Variants in CTNND2 observed in about 807,000 individuals in gnomAD.
CTNND2 encodes catenin delta-2.
CTNND2 carries 22 observed loss-of-function variants against 144.4 expected under a neutral mutation model. That is an observed-to-expected ratio of 0.15 (90% CI 0.11 to 0.22). CTNND2 has a LOEUF of 0.22. Ranked by LOEUF, CTNND2 falls within the 10% of genes least tolerant of loss-of-function variation. CTNND2 has a pLI of 1.00. For synonymous variants in CTNND2, 751 were observed against 695.6 expected, an observed-to-expected ratio of 1.08 and a Z score of -1.25; for missense variants, 1,353 against 1,618.8, an observed-to-expected ratio of 0.84 and a Z score of 2.82.
chr5:11,039,090 GCAAGCAAACAAA>G (rs1190146942), intron 16 of CTNND2, among the ~76,000 whole-genome samples: 1 of 152,200 alleles, frequency 6.6e-6, no homozygotes, highest in African/African-American at 2.4e-5. Flanking sequence ...AAGCAAGCAA[GCAAGCAAACAAA>G]CAAACAAAAC....
intron 1 of CTNND2, among the ~76,000 whole-genome samples, chr5:11,817,981 G>GC: frequency 6.3e-5 from 2 of 31,880 alleles, no homozygotes; most frequent in South Asian, 1.8e-3. Flanking sequence ...ATTATGAGGT[G>GC]TTTTTTTTTT....
chr5:11,572,856 G>A (rs1777678573), intron 2 of CTNND2, among the ~76,000 whole-genome samples: 2 of 152,160 alleles, frequency 1.3e-5, no homozygotes, highest in East Asian at 3.9e-4. Context: ...AGCTAAGATT[G>A]AATGGTTTTA....
intron 1 of CTNND2, among the ~76,000 whole-genome samples, chr5:11,833,602 C>T (rs1794022410): frequency 6.6e-6 from 1 of 152,116 alleles, no homozygotes; most frequent in Non-Finnish European, 1.5e-5. Flanking sequence ...CAGCTCACTG[C>T]AACCTCTGCC....
chr5:11,384,573 G>GC lies in CTNND2; in HGVS notation c.1177+91dup. The GC allele has an allele frequency of 8.2e-7, 1 of 1,222,668 alleles. No homozygotes were observed. The highest frequency in any genetic ancestry group is 1.5e-5 in the South Asian group (1 of 67,180). 75.7% of individuals were successfully genotyped at this position (1,222,668 alleles called of 1,614,324 possible). A position where few individuals can be genotyped will look rare whatever the true frequency, so the allele number is the denominator to read the frequency against. On this transcript the variant is annotated intron_variant, in intron 7 of 21. Coordinates refer to ENST00000304623, the MANE Select transcript of CTNND2 (RefSeq NM_001332.4). The surrounding 1 kb of genome is among the most constrained non-coding windows in gnomAD (Gnocchi z 5.2). ...ACTACTACAACCTGGCAGACAGCGCGCCCGGCTTCGCTTCTGCTCAAGCCG... is the reference window on the plus strand; with the variant it reads ...ACTACTACAACCTGGCAGACAGCGCGCCCCGGCTTCGCTTCTGCTCAAGCCG...
intron 19 of CTNND2, among the ~76,000 whole-genome samples, chr5:10,992,160 C>T (rs1379791471): frequency 2.6e-5 from 4 of 152,178 alleles, no homozygotes; most frequent in African/African-American, 4.8e-5. Flanking sequence ...TCAGGCAATC[C>T]GCCTGCCTCA....
chr5:11,139,945 G>A (rs889089887), intron 12 of CTNND2, among the ~76,000 whole-genome samples: 2 of 152,130 alleles, frequency 1.3e-5, no homozygotes, highest in African/African-American at 4.8e-5. Context: ...AGAGCCAGGG[G>A]AGACTTTCTT....
chr5:11,107,725 A>C (rs1176374343), intron 14 of CTNND2, among the ~76,000 whole-genome samples: 2 of 152,246 alleles, frequency 1.3e-5, no homozygotes, highest in African/African-American at 2.4e-5. Flanking sequence ...ACTGACTAAC[A>C]GTGAGATAAA....
At chr5:11,054,500 C>T (rs1215173493) in intron 16 of CTNND2, among the ~76,000 whole-genome samples, 1 of 152,134 alleles carries the variant, frequency 6.6e-6, no homozygotes, top group Non-Finnish European at 1.5e-5. Context: ...CTACTACCTT[C>T]AGCAGAGGCT....
chr5:11,013,668 G>A (rs1027517253), intron 18 of CTNND2, among the ~76,000 whole-genome samples: 7 of 152,176 alleles, frequency 4.6e-5, no homozygotes, highest in African/African-American at 1.7e-4. Flanking sequence ...CCCCAAAATG[G>A]GATAACATGC....
intron 6 of CTNND2, among the ~76,000 whole-genome samples, chr5:11,395,950 C>T (rs1278399482): frequency 1.3e-5 from 2 of 152,166 alleles, no homozygotes; most frequent in Non-Finnish European, 1.5e-5. Context: ...CTGATACAAA[C>T]ATGAAAAAAG....
At chr5:11,797,282 G>A (rs1038655610) in intron 1 of CTNND2, among the ~76,000 whole-genome samples, 1 of 152,196 alleles carries the variant, frequency 6.6e-6, no homozygotes, top group African/African-American at 2.4e-5. Flanking sequence ...TGGGGATGCT[G>A]CATTCCCGTC....
At chr5:11,745,764 C>T (rs1788275823) in intron 1 of CTNND2, among the ~76,000 whole-genome samples, 1 of 152,248 alleles carries the variant, frequency 6.6e-6, no homozygotes, top group East Asian at 1.9e-4. Context: ...ATCTTCCTTA[C>T]CAACCATCTG....
intron 10 of CTNND2, among the ~76,000 whole-genome samples, chr5:11,219,095 T>C (rs2149861290): frequency 6.6e-6 from 1 of 152,270 alleles, no homozygotes; most frequent in Admixed American, 6.5e-5. Flanking sequence ...CTGATCAAGC[T>C]CAGTGTAAAA....
intron 12 of CTNND2, among the ~76,000 whole-genome samples, chr5:11,137,645 C>T (rs1756296265): frequency 6.6e-6 from 1 of 152,174 alleles, no homozygotes; most frequent in Admixed American, 6.5e-5. Flanking sequence ...AAGCAGGTGA[C>T]TGATGACTGC....
At chr5:11,164,318 G>A (rs948306069) in intron 11 of CTNND2, among the ~76,000 whole-genome samples, 4 of 151,952 alleles carry the variant, frequency 2.6e-5, no homozygotes, top group Admixed American at 1.3e-4. Context: ...TGCAGGGTAG[G>A]GACATTATTC....
At chr5:11,094,077 G>A (rs1297004761) in intron 15 of CTNND2, among the ~76,000 whole-genome samples, 2 of 152,150 alleles carry the variant, frequency 1.3e-5, no homozygotes, top group Non-Finnish European at 2.9e-5. Flanking sequence ...GTTTATATAT[G>A]TATGTACATA....
At chr5:11,840,813 C>T (rs574045325) in intron 1 of CTNND2, among the ~76,000 whole-genome samples, 110 of 152,172 alleles carry the variant, frequency 7.2e-4, no homozygotes, top group African/African-American at 2.2e-3. Context: ...ATAAGAAATA[C>T]CCAAAAATCT....
intron 3 of CTNND2, among the ~76,000 whole-genome samples, chr5:11,548,262 G>T (rs12659996): frequency 6.6e-6 from 1 of 152,222 alleles, no homozygotes; most frequent in East Asian, 1.9e-4. Flanking sequence ...ACAAAATTGA[G>T]AAAGCTGTTT....
chr5:11,465,359 C>A (rs1766569349), intron 3 of CTNND2, among the ~76,000 whole-genome samples: 1 of 150,078 alleles, frequency 6.7e-6, no homozygotes, highest in South Asian at 2.1e-4. Flanking sequence ...AGAAGTTGAG[C>A]ACAGTTAATG....
Sources: allele counts gnomAD v4.1 joint callset (sites outside exome capture counted in the v4.1 genomes callset), GRCh38; gene constraint gnomAD v4.1.1; non-coding constraint Gnocchi (gnomAD v3.1); transcripts MANE v1.5; gene names NCBI Gene and HGNC (gene_info 2026-07-23, HGNC 2026-07-21).